PPM1E: variants seen among roughly 807,000 people sequenced by gnomAD.
PPM1E encodes the protein protein phosphatase, Mg2+/Mn2+ dependent 1E, also known as protein phosphatase 1E.
In PPM1E, 20 loss-of-function variants were observed where a neutral mutation model predicts 65.9. The observed-to-expected ratio is 0.30, with a 90% CI of 0.21 to 0.44. The LOEUF is 0.44. Ranked by LOEUF, PPM1E falls within the 20% of genes least tolerant of loss-of-function variation. The probability of loss-of-function intolerance (pLI) is 1.00; values close to 1 mark genes in which losing one functional copy is unlikely to be tolerated. For synonymous variants in PPM1E, 352 were observed against 374.9 expected (o/e 0.94, Z 0.70); for missense variants, 713 against 953.1 (o/e 0.75, Z 3.32).
rs184147603 is a variant in PPM1E at position 58,982,954 on chromosome 17, A to C, written c.*1923A>C. The C allele has an allele frequency of 1.9e-6, 3 of 1,559,266 alleles. No individual in the cohort carries two copies. The highest frequency in any genetic ancestry group is 2.6e-6 in the Non-Finnish European group (3 of 1,148,132). ...AACAAGAAAACAAAGGCAGCAGACT[A>C]TTGGTACACATTATAGTCCAAAGTG... On this transcript the variant is annotated 3_prime_UTR_variant, in exon 7 of 7. Coordinates refer to ENST00000308249, the MANE Select transcript of PPM1E (RefSeq NM_014906.5).
At chr17:58,873,932 A>G (rs111945275) in intron 1 of PPM1E, among the ~76,000 whole-genome samples, 1 of 151,976 alleles carries the variant, frequency 6.6e-6, no homozygotes, top group African/African-American at 2.4e-5. Context: ...TTTTTACACT[A>G]CTATGAAAAT....
chr17:58,950,535 TCTC>T (rs1458357325), intron 1 of PPM1E, among the ~76,000 whole-genome samples: 1 of 152,184 alleles, frequency 6.6e-6, no homozygotes, highest in African/African-American at 2.4e-5. Flanking sequence ...TCTCTTTTCT[TCTC>T]CTTCTGGAAT....
chr17:58,935,405 A>C (rs1309731034), intron 1 of PPM1E, among the ~76,000 whole-genome samples: 1 of 152,206 alleles, frequency 6.6e-6, no homozygotes, highest in African/African-American at 2.4e-5. Context: ...ATATAGGAGA[A>C]TGTGACGTTA....
At chr17:58,946,305 C>T (rs1438947951) in intron 1 of PPM1E, among the ~76,000 whole-genome samples, 2 of 152,194 alleles carry the variant, frequency 1.3e-5, no homozygotes, top group East Asian at 3.8e-4. Flanking sequence ...ATATTTATTT[C>T]CAATTATGTC....
At chr17:58,834,251 T>C (rs1206193462) in intron 1 of PPM1E, among the ~76,000 whole-genome samples, 1 of 152,144 alleles carries the variant, frequency 6.6e-6, no homozygotes, top group African/African-American at 2.4e-5. Context: ...GACTGCTTAC[T>C]TATTTACAGT....
chr17:58,798,694 CT>C (rs1452735256), intron 1 of PPM1E, among the ~76,000 whole-genome samples: 1 of 151,604 alleles, frequency 6.6e-6, no homozygotes, highest in Non-Finnish European at 1.5e-5. Flanking sequence ...GTTTTCTTTT[CT>C]TCTTTTTTTT....
intron 1 of PPM1E, among the ~76,000 whole-genome samples, chr17:58,839,627 A>G (rs2050697502): frequency 6.6e-6 from 1 of 152,186 alleles, no homozygotes; most frequent in Non-Finnish European, 1.5e-5. Flanking sequence ...AAGAAAATAG[A>G]TAGCAGATAG....
intron 1 of PPM1E, among the ~76,000 whole-genome samples, chr17:58,799,449 T>A (rs1335559485): frequency 7.2e-6 from 1 of 139,794 alleles, no homozygotes; most frequent in East Asian, 2.0e-4. Context: ...ACTCAGTTAC[T>A]TTTTTTTTTT....
chr17:58,849,176 T>A (rs960928777), intron 1 of PPM1E, among the ~76,000 whole-genome samples: 2 of 152,214 alleles, frequency 1.3e-5, no homozygotes, highest in Non-Finnish European at 2.9e-5. Flanking sequence ...TCTTCATTAG[T>A]CTTGCTAGCA....
chr17:58,805,961 C>A (rs9914806), intron 1 of PPM1E, among the ~76,000 whole-genome samples: 36,005 of 66,202 alleles, frequency 0.54, 6,882 homozygotes, highest in Non-Finnish European at 0.56. Context: ...AAAAAAAAAA[C>A]AAAAAAAAAA....
At chr17:58,896,894 C>G (rs1179566953) in intron 1 of PPM1E, among the ~76,000 whole-genome samples, 2 of 152,152 alleles carry the variant, frequency 1.3e-5, no homozygotes, top group East Asian at 3.9e-4. Context: ...CAGGCTGACT[C>G]TCTTGTCAGG....
intron 2 of PPM1E, among the ~76,000 whole-genome samples, chr17:58,962,355 A>G (rs1019051929): frequency 2.0e-5 from 3 of 152,166 alleles, no homozygotes; most frequent in African/African-American, 4.8e-5. Flanking sequence ...GCAGATCTAC[A>G]TAAGAGTAAT....
intron 1 of PPM1E, among the ~76,000 whole-genome samples, chr17:58,829,845 T>C (rs1328248114): frequency 1.3e-5 from 2 of 152,210 alleles, no homozygotes; most frequent in East Asian, 1.9e-4. Context: ...AATATCTTTA[T>C]TCCACTCCTC....
rs1327389371 is a variant in PPM1E, at chr17:58,965,689, C to T, written c.584-5C>T. Reference sequence around the variant, plus strand: ...TCATTGGGGGTTTCTGTGTTTCTTTCACAGAGATTGAGACAGTGAAATTGG... The same window carrying T: ...TCATTGGGGGTTTCTGTGTTTCTTTTACAGAGATTGAGACAGTGAAATTGG... On this transcript the variant is annotated splice_polypyrimidine_tract_variant and splice_region_variant and intron_variant, in intron 2 of 6. Transcript: ENST00000308249. 29 of 1,611,646 alleles carry T rather than the reference C, an allele frequency of 1.8e-5. No individual in the cohort carries two copies. Among genetic ancestry groups the T allele is most frequent in the Non-Finnish European group, 2.2e-5 (26 of 1,177,982 alleles).
chr17:58,870,144 T>C (rs1054757327), intron 1 of PPM1E, among the ~76,000 whole-genome samples: 5 of 152,088 alleles, frequency 3.3e-5, no homozygotes, highest in Admixed American at 3.3e-4. Context: ...GGGAAGGTAG[T>C]CTGATAGACA....
intron 4 of PPM1E, 130 bp from the exon 5 acceptor site, chr17:58,971,997 TTATTA>T (rs1244119387): frequency 1.2e-6 from 1 of 811,044 alleles, no homozygotes; most frequent in Non-Finnish European, 1.9e-6. Context: ...AGACAATGAA[TTATTA>T]TATATGTGTG....
intron 1 of PPM1E, among the ~76,000 whole-genome samples, chr17:58,855,909 G>T (rs1273393310): frequency 6.6e-6 from 1 of 152,130 alleles, no homozygotes; most frequent in Non-Finnish European, 1.5e-5. Context: ...AGACAATACA[G>T]ACTAGATGTT....
chr17:58,839,405 G>A (rs1174791337), intron 1 of PPM1E, among the ~76,000 whole-genome samples: 3 of 152,150 alleles, frequency 2.0e-5, no homozygotes, highest in African/African-American at 7.2e-5. Flanking sequence ...TGTGACAAGA[G>A]CATCTAACTG....
intron 1 of PPM1E, among the ~76,000 whole-genome samples, chr17:58,924,660 T>G (rs2051801088): frequency 6.6e-6 from 1 of 152,172 alleles, no homozygotes; most frequent in Non-Finnish European, 1.5e-5. Context: ...GCTGCACCTA[T>G]CAACCCCTCA....
Sources: gnomAD v4.1 joint callset for allele counts (sites outside exome capture counted in the v4.1 genomes callset) on GRCh38, gnomAD v4.1.1 for gene constraint, MANE v1.5 for transcripts, NCBI Gene and HGNC (gene_info 2026-07-23, HGNC 2026-07-21) for gene names.